The following SNAP47 variants were observed in gnomAD, a reference collection of about 807,000 sequenced individuals.
The protein encoded by SNAP47 is synaptosomal-associated protein 47.
A neutral mutation model predicts 31.4 loss-of-function variants in SNAP47; 20 were observed. That is an observed-to-expected ratio of 0.64 (90% CI 0.45 to 0.93). The LOEUF (loss-of-function observed/expected upper bound fraction) is 0.93, where lower values mean the gene tolerates loss of function less well. Ranked by LOEUF, SNAP47 falls within the 40% of genes least tolerant of loss-of-function variation. SNAP47 has a pLI of 0.00. For missense variants in SNAP47, 492 were observed against 528.5 expected, an observed-to-expected ratio of 0.93 and a Z score of 0.68; for synonymous variants, 194 against 213.4, an observed-to-expected ratio of 0.91 and a Z score of 0.79.
intron 4 of SNAP47, among the ~76,000 whole-genome samples, chr1:227,772,359 C>T (rs1311891826): frequency 6.6e-6 from 1 of 151,852 alleles, no homozygotes; most frequent in Non-Finnish European, 1.5e-5. Context: ...GCCCACCACT[C>T]TGCCTTCCCT....
At chr1:227,761,425 T>C (rs1663054984) in intron 3 of SNAP47, among the ~76,000 whole-genome samples, 1 of 152,166 alleles carries the variant, frequency 6.6e-6, no homozygotes, top group Non-Finnish European at 1.5e-5. Flanking sequence ...GTATATGTCT[T>C]AAAGTCAGGG....
chr1:227,780,757 G>A lies in SNAP47; in HGVS notation c.*84G>A. On this transcript the variant is annotated 3_prime_UTR_variant, in exon 5 of 5. Transcript: ENST00000617596. ...GGGCGGCAGTGCCAGGGCTGCAGAGGCCTGTGGCCCTCCGGAGTGGTCTTC... is the reference window on the plus strand; with the variant it reads ...GGGCGGCAGTGCCAGGGCTGCAGAGACCTGTGGCCCTCCGGAGTGGTCTTC... The A allele has an allele frequency of 6.4e-7, 1 of 1,567,738 alleles. No individual in the cohort carries two copies.
At chr1:227,743,567 C>T (rs539095967) in intron 1 of SNAP47, among the ~76,000 whole-genome samples, 2 of 152,348 alleles carry the variant, frequency 1.3e-5, no homozygotes, top group South Asian at 4.1e-4. Flanking sequence ...CCCGGCAGTC[C>T]CAGGCCTTGC....
At chr1:227,732,549 TCG>T, upstream of SNAP47, 1 of 1,613,350 alleles carries the variant, frequency 6.2e-7, no homozygotes, top group African/African-American at 1.3e-5. Context: ...GGCTGCCTGT[TCG>T]AAACCCAACC....
In SNAP47 at chr1:227,747,769, G is replaced by A. The variant is rs34910471; in HGVS notation, c.33G>A (p.Pro11=). The part of the protein sequence containing the change: MSRDVCIHTW[P]CTYYLEPKRR... ...GGGATGTCTGCATCCACACCTGGCC[G>A]TGCACCTACTACCTGGAGCCCAAGA... The change falls in exon 2 of 5, where the codon CCG becomes CCA. Residue 11 remains proline (P), a synonymous_variant. Transcript: ENST00000617596. 2.0e-4 allele frequency: 322 copies of A among 1,614,128 alleles called. No homozygotes were observed. In the African/African-American group the frequency reaches 3.7e-3, roughly 18 times the overall value.
At chr1:227,756,289 G>A (rs114750242) in intron 2 of SNAP47, among the ~76,000 whole-genome samples, 23 of 152,368 alleles carry the variant, frequency 1.5e-4, no homozygotes, top group Non-Finnish European at 3.1e-4. Flanking sequence ...TGTCACATGA[G>A]CAGTGCGTCT....
At position 227,748,086 on chromosome 1, in the gene SNAP47, C is replaced by G. The variant is rs745664389; in HGVS notation, c.350C>G (p.Thr117Ser). 1.2e-6 allele frequency: 2 copies of G among 1,614,150 alleles called. No homozygotes were observed. The highest frequency in any genetic ancestry group is 4.5e-5 in the East Asian group (2 of 44,872). Residue 117 changes from threonine (T) to serine (S), a missense_variant, in exon 2 of 5, where the codon ACC (threonine) becomes AGC (serine). Coordinates refer to ENST00000617596, the MANE Select transcript of SNAP47 (RefSeq NM_053052.4). Reference sequence around the variant, plus strand: ...GTGGCAGACGCATCTGTCCCAAGGACCCGGGGCGAGGAGCTGACGGGACTC... The same window carrying G: ...GTGGCAGACGCATCTGTCCCAAGGAGCCGGGGCGAGGAGCTGACGGGACTC... ...GAVADASVPR[T>S]RGEELTGLMA...
At chr1:227,733,160 G>A (rs1571962469), upstream of SNAP47, 1 of 1,070,394 alleles carries the variant, frequency 9.3e-7, no homozygotes, top group Non-Finnish European at 1.3e-6. Flanking sequence ...TCTCCCAGCA[G>A]GGCTTGCTCA....
intron 2 of SNAP47, among the ~76,000 whole-genome samples, chr1:227,758,412 CAG>C (rs1662824459): frequency 6.6e-6 from 1 of 152,198 alleles, no homozygotes; most frequent in African/African-American, 2.4e-5. Flanking sequence ...GGCTGAAAGA[CAG>C]GGTGCAGAGT....
intron 2 of SNAP47, among the ~76,000 whole-genome samples, chr1:227,751,535 T>C (rs1255681919): frequency 6.6e-6 from 1 of 152,136 alleles, no homozygotes; most frequent in African/African-American, 2.4e-5. Flanking sequence ...CAGGTCGCAG[T>C]GTCGGAGACC....
rs375847026 is a variant in SNAP47 at position 227,749,832 on chromosome 1, C to CTG, written c.497+1611_497+1612dup. On this transcript the variant is annotated intron_variant, in intron 2 of 4. Transcript: ENST00000617596. ...GTCTGTGTGTATTTGTGTGTGTCATCTGTGTGTGTGTGTTTCAGTACACAT... is the reference window on the plus strand; with the variant it reads ...GTCTGTGTGTATTTGTGTGTGTCATCTGTGTGTGTGTGTGTTTCAGTACACAT... Among the ~76,000 whole-genome samples, 826 of 136,734 alleles carry CTG rather than the reference C, an allele frequency of 6.0e-3. 7 individuals are homozygous for CTG. The highest frequency in any genetic ancestry group is 0.022 in the Middle Eastern group (5 of 230). The allele number at this position is 136,734 out of a possible 152,430, so 89.7% of individuals were successfully genotyped here. A position where few individuals can be genotyped will look rare whatever the true frequency, so the allele number is the denominator to read the frequency against.
At chr1:227,766,815 C>T (rs142788639) in intron 3 of SNAP47, 144 bp from the exon 4 acceptor site, 3 of 1,213,270 alleles carry the variant, frequency 2.5e-6, no homozygotes, top group Non-Finnish European at 3.4e-6. Flanking sequence ...CAAGGCAAGG[C>T]TCACAGAGGT....
At position 227,762,857 on chromosome 1, in the gene SNAP47, C is replaced by T. The variant is rs143062525; in HGVS notation, c.988+3372C>T. Among the ~76,000 whole-genome samples, 5 of 152,306 alleles carry T rather than the reference C, an allele frequency of 3.3e-5. No individual in the cohort carries two copies. Among genetic ancestry groups the T allele is most frequent in the African/African-American group, 1.2e-4 (5 of 41,558 alleles). On this transcript the variant is annotated intron_variant, in intron 3 of 4. Transcript: ENST00000617596. This position sits in a 1 kb window ranked among gnomAD's most constrained non-coding sequence, Gnocchi z 4.2. ...GCAGCCTCTGTCTCAGATTTTCTTG[C>T]AGTCGGCCTGGGCTGTGGTTTGGGA...
At chr1:227,729,072 T>C (rs570115608) in intron 1 of SNAP47, among the ~76,000 whole-genome samples, 1 of 152,336 alleles carries the variant, frequency 6.6e-6, no homozygotes, top group South Asian at 2.1e-4. Context: ...GGTGTGCGTC[T>C]GCAGGATTCT....
intron 4 of SNAP47, chr1:227,776,844 G>A: frequency 1.0e-6 from 1 of 985,466 alleles, no homozygotes; most frequent in Non-Finnish European, 1.2e-6. Flanking sequence ...GGTCTCAACA[G>A]GCTATTTGGA....
At chr1:227,749,354 T>C (rs1662191807) in intron 2 of SNAP47, among the ~76,000 whole-genome samples, 1 of 152,180 alleles carries the variant, frequency 6.6e-6, no homozygotes, top group Non-Finnish European at 1.5e-5. Context: ...GTTTACTCCC[T>C]CTGCCCTCAG....
upstream of SNAP47, chr1:227,733,112 G>A (rs181364355): frequency 4.7e-5 from 68 of 1,458,918 alleles, no homozygotes; most frequent in East Asian, 1.6e-3. Context: ...GGAACCCACT[G>A]TGGGGTCCAG....
rs754652638 is a variant in SNAP47, at chr1:227,775,852, G to A, written c.1114-4675G>A. On this transcript the variant is annotated intron_variant, in intron 4 of 4. Coordinates refer to ENST00000617596, the MANE Select transcript of SNAP47 (RefSeq NM_053052.4). ...GGTGATGCTTTGCTCCGAGTCTGCA[G>A]GAGCTTTGTGGAGACAGAGACTTTC... The A allele has an allele frequency of 2.3e-6, 3 of 1,304,064 alleles. No homozygotes were observed. In the South Asian group the frequency reaches 3.7e-5, roughly 16 times the overall value. 80.8% of individuals were successfully genotyped at this position (1,304,064 alleles called of 1,614,324 possible).
At chr1:227,768,444 A>T in intron 4 of SNAP47, 9 of 425,072 alleles carry the variant, frequency 2.1e-5, no homozygotes, top group Non-Finnish European at 2.5e-5. Context: ...GTCCACCAGG[A>T]GGTGGATAAA....
Sources: gnomAD v4.1 joint callset for allele counts (sites outside exome capture counted in the v4.1 genomes callset) on GRCh38, gnomAD v4.1.1 for gene constraint, Gnocchi (gnomAD v3.1) non-coding constraint, MANE v1.5 for transcripts, NCBI Gene and HGNC (gene_info 2026-07-23, HGNC 2026-07-21) for gene names.